The following HIF3A variants were observed in gnomAD, a reference collection of about 807,000 sequenced individuals.
HIF3A encodes hypoxia-inducible factor 3-alpha.
In HIF3A, 41 loss-of-function variants were observed where a neutral mutation model predicts 67.2. The ratio of observed to expected loss-of-function variants is 0.61; its 90% CI spans 0.48 to 0.79. The LOEUF (loss-of-function observed/expected upper bound fraction) is 0.79. HIF3A is among the 30% of genes least tolerant of loss of function. The pLI is 0.00. For missense variants in HIF3A, 855 were observed against 898.0 expected, an observed-to-expected ratio of 0.95 and a Z score of 0.61; for synonymous variants, 356 against 374.8, an observed-to-expected ratio of 0.95 and a Z score of 0.58.
intron 3 of HIF3A, 30 bp downstream of exon 3, chr19:46,305,420 C>G: frequency 6.2e-7 from 1 of 1,606,990 alleles, no homozygotes; most frequent in Non-Finnish European, 8.5e-7. Context: ...CTGTGCCTGG[C>G]CCTGTACTGG....
chr19:46,325,837 T>G (rs867447565), intron 11 of HIF3A, among the ~76,000 whole-genome samples, 198 bp downstream of exon 11: 2 of 152,112 alleles, frequency 1.3e-5, no homozygotes, highest in Non-Finnish European at 2.9e-5. Flanking sequence ...GATGGGTGGG[T>G]AGGTGGATGA....
rs1970403565 is a variant in HIF3A, at chr19:46,321,936, G to A, written c.1305G>A (p.Leu435=). Residue 435 remains leucine (L), a synonymous_variant, in exon 10 of 15, where the codon CTG becomes CTA. Transcript: ENST00000377670. ...TAGCAGCCACTCCCAGCACCCCGCT[G>A]GCCACACGGCACCCCCAAAGTCCTC... is the stretch of plus-strand genomic sequence containing the variant. The part of the protein sequence containing the change: ...ASVAATPSTP[L]ATRHPQSPLS... The A allele has an allele frequency of 6.2e-7, 1 of 1,613,982 alleles. No homozygotes were observed. The highest frequency in any genetic ancestry group is 1.3e-5 in the African/African-American group (1 of 75,028).
chr19:46,303,437 G>T (rs2147118073), intron 1 of HIF3A, among the ~76,000 whole-genome samples: 1 of 152,282 alleles, frequency 6.6e-6, no homozygotes, highest in Non-Finnish European at 1.5e-5. Flanking sequence ...GAAAAGGGCA[G>T]AGGAGGTGAT....
intron 1 of HIF3A, among the ~76,000 whole-genome samples, chr19:46,302,181 GTATA>G (rs1968397183): frequency 6.6e-6 from 1 of 152,072 alleles, no homozygotes; most frequent in South Asian, 2.1e-4. Flanking sequence ...CCAGGCTGGA[GTATA>G]GTGGCGCGAT....
intron 2 of HIF3A, 82 bp downstream of exon 2, chr19:46,304,170 C>T (rs1057174237): frequency 2.1e-5 from 27 of 1,286,148 alleles, no homozygotes; most frequent in Admixed American, 1.1e-4. Context: ...GCCCCTCCTC[C>T]GGGAAGCCTT....
intron 11 of HIF3A, among the ~76,000 whole-genome samples, chr19:46,327,378 C>T (rs996518875): frequency 6.6e-6 from 1 of 150,928 alleles, no homozygotes; most frequent in African/African-American, 2.4e-5. Context: ...TTCAGTGACG[C>T]AATCTTGGCT....
intron 8 of HIF3A, among the ~76,000 whole-genome samples, chr19:46,313,758 C>G (rs1466318584): frequency 2.0e-5 from 3 of 151,754 alleles, no homozygotes; most frequent in Non-Finnish European, 4.4e-5. Context: ...CTCTGCCTCC[C>G]AGGTTCAAGC....
intron 13 of HIF3A, among the ~76,000 whole-genome samples, chr19:46,333,297 G>C (rs1184546138): frequency 6.6e-6 from 1 of 152,138 alleles, no homozygotes; most frequent in African/African-American, 2.4e-5. Context: ...TGAAAAAGGT[G>C]TTAACATAGT....
At chr19:46,299,734 G>GAAAA (rs56032687) in intron 1 of HIF3A, among the ~76,000 whole-genome samples, 3 of 137,514 alleles carry the variant, frequency 2.2e-5, no homozygotes, top group African/African-American at 8.1e-5. Context: ...TAGAAAAATA[G>GAAAA]AAAAAAAAAA....
chr19:46,311,982 G>A (rs759272192), intron 6 of HIF3A, 179 bp from the exon 7 acceptor site: 1 of 763,814 alleles, frequency 1.3e-6, no homozygotes, highest in African/African-American at 1.7e-5. Flanking sequence ...ATCTTTGGGG[G>A]TCATTATTCA....
At chr19:46,332,553 TAAA>T (rs1424335208) in intron 13 of HIF3A, among the ~76,000 whole-genome samples, 1 of 151,562 alleles carries the variant, frequency 6.6e-6, no homozygotes, top group African/African-American at 2.4e-5. Context: ...AAAATAAAAA[TAAA>T]AAAGCCAGCC....
At chr19:46,327,320 CTTTTTTT>C (rs113938190) in intron 11 of HIF3A, among the ~76,000 whole-genome samples, 6 of 141,550 alleles carry the variant, frequency 4.2e-5, no homozygotes, top group Non-Finnish European at 1.5e-5. Context: ...TTTCTTTTTT[CTTTTTTT>C]TTTTTTGAAA....
chr19:46,312,736 T>TGTGTGCGC (rs112043937), intron 8 of HIF3A, 83 bp downstream of exon 8: 1 of 1,500,804 alleles, frequency 6.7e-7, no homozygotes, highest in Non-Finnish European at 8.9e-7. Context: ...TGTGTGTGTG[T>TGTGTGCGC]GCGTATGAGC....
chr19:46,298,184 C>A, intron 1 of HIF3A: 1 of 311,004 alleles, frequency 3.2e-6, no homozygotes, highest in Non-Finnish European at 6.4e-6. Context: ...TGATTGGATC[C>A]ATGCACACCC....
At chr19:46,312,856 T>G in intron 8 of HIF3A, 1 of 1,300,976 alleles carries the variant, frequency 7.7e-7, no homozygotes, top group Non-Finnish European at 9.7e-7. Flanking sequence ...TGGACACAGG[T>G]ATGTGTATGG....
chr19:46,312,866 G>T, intron 8 of HIF3A: 2 of 1,201,382 alleles, frequency 1.7e-6, no homozygotes, highest in African/African-American at 1.6e-5. Flanking sequence ...TATGTGTATG[G>T]GTGTGTAGAC....
chr19:46,331,083 T>C (rs918322126), intron 12 of HIF3A, 73 bp from the exon 13 acceptor site: 13 of 1,169,076 alleles, frequency 1.1e-5, no homozygotes, highest in African/African-American at 9.1e-5. Flanking sequence ...TGAATGCTCA[T>C]CACCTGCTTA....
At chr19:46,314,817 C>G (rs1006877054) in intron 8 of HIF3A, among the ~76,000 whole-genome samples, 1 of 146,622 alleles carries the variant, frequency 6.8e-6, no homozygotes, top group African/African-American at 2.5e-5. Context: ...CCTCAGCCTC[C>G]CAAAGTGCTG....
At position 46,297,169 on chromosome 19, in the gene HIF3A, G is replaced by T; in HGVS notation, c.26+67G>T. 3.5e-5 allele frequency: 12 copies of T among 339,592 alleles called. No homozygotes were observed. The highest frequency in any genetic ancestry group is 5.4e-5 in the Non-Finnish European group (10 of 184,720). The allele number at this position is 339,592 out of a possible 1,614,324, so 21.0% of individuals were successfully genotyped here. ...TCTCCTCCTGGAGACCCCTGAGCTG[G>T]ATTGTTGGGGGGGGTGGGGTTCGCG... On this transcript the variant is annotated intron_variant, in intron 1 of 14. Transcript: ENST00000377670. The surrounding 1 kb of genome is among the most constrained non-coding windows in gnomAD (Gnocchi z 4.5).
Sources: gnomAD v4.1 joint callset for allele counts (sites outside exome capture counted in the v4.1 genomes callset) on GRCh38, gnomAD v4.1.1 for gene constraint, Gnocchi (gnomAD v3.1) non-coding constraint, MANE v1.5 for transcripts, NCBI Gene and HGNC (gene_info 2026-07-23, HGNC 2026-07-21) for gene names.